Variants in BTG4 observed in about 807,000 individuals in gnomAD.
BTG4 encodes protein BTG4.
Under a neutral mutation model 19.3 loss-of-function variants are expected in BTG4, and 10 were observed. The ratio of observed to expected loss-of-function variants is 0.52; its 90% CI spans 0.32 to 0.88. The LOEUF is 0.88. BTG4 is among the 40% of genes least tolerant of loss of function. The pLI is 0.04. For synonymous variants in BTG4, 91 were observed against 95.7 expected (o/e 0.95, Z 0.29); for missense variants, 238 against 281.9 (o/e 0.84, Z 1.11).
chr11:111,502,357 A>C (rs1258816106), intron 1 of BTG4, among the ~76,000 whole-genome samples: 1 of 152,166 alleles, frequency 6.6e-6, no homozygotes, highest in Admixed American at 6.6e-5. Flanking sequence ...CGTGCAGCAA[A>C]AGTGGAAATC....
At chr11:111,391,792 C>T in the BTG4 span, among the ~76,000 whole-genome samples, 1 of 152,116 alleles carries the variant, frequency 6.6e-6, no homozygotes, top group African/African-American at 2.4e-5. Flanking sequence ...GTGGCTTTGG[C>T]AACAGTGTGA....
the BTG4 span, chr11:111,385,265 G>A: frequency 1.3e-5 from 2 of 151,950 alleles, no homozygotes; most frequent in African/African-American, 4.8e-5. Flanking sequence ...GTGAAAAACA[G>A]GAAGGATGTA....
At chr11:111,391,779 A>G in the BTG4 span, among the ~76,000 whole-genome samples, 9 of 152,300 alleles carry the variant, frequency 5.9e-5, no homozygotes, top group Admixed American at 4.6e-4. Context: ...GCTTCTTTTA[A>G]AAGTGGCTTT....
the BTG4 span, among the ~76,000 whole-genome samples, chr11:111,460,682 T>C: frequency 6.6e-6 from 1 of 152,192 alleles, no homozygotes; most frequent in African/African-American, 2.4e-5. Context: ...AGGCAGCAAG[T>C]ATGAGAAATG....
At chr11:111,481,643 T>C (rs1864748853) in intron 5 of BTG4, among the ~76,000 whole-genome samples, 1 of 151,836 alleles carries the variant, frequency 6.6e-6, no homozygotes, top group South Asian at 2.1e-4. Flanking sequence ...TTGGGTTTAT[T>C]TCATGGATGC....
At chr11:111,443,744 G>A in the BTG4 span, among the ~76,000 whole-genome samples, 3 of 152,206 alleles carry the variant, frequency 2.0e-5, no homozygotes, top group Non-Finnish European at 4.4e-5. Flanking sequence ...TGGGGATACA[G>A]TGAAAGTCAG....
the BTG4 span, among the ~76,000 whole-genome samples, chr11:111,423,426 C>T: frequency 6.6e-6 from 1 of 152,238 alleles, no homozygotes; most frequent in Non-Finnish European, 1.5e-5. Context: ...CTTAGCCCAG[C>T]CTGGGCCAGA....
intron 5 of BTG4, among the ~76,000 whole-genome samples, chr11:111,487,647 T>C (rs1047186499): frequency 2.6e-5 from 4 of 152,058 alleles, no homozygotes; most frequent in Non-Finnish European, 4.4e-5. Context: ...GGTATCCAAA[T>C]TGGAAAGAAA....
At chr11:111,508,546 C>T (rs1444533035) in intron 1 of BTG4, among the ~76,000 whole-genome samples, 1 of 151,988 alleles carries the variant, frequency 6.6e-6, no homozygotes, top group Non-Finnish European at 1.5e-5. Context: ...TTTTCCTTCA[C>T]AAATTGCTCC....
At chr11:111,444,588 A>G in the BTG4 span, among the ~76,000 whole-genome samples, 1 of 152,186 alleles carries the variant, frequency 6.6e-6, no homozygotes, top group Admixed American at 6.5e-5. Context: ...CACATTTTAA[A>G]CTAACTTAAA....
At chr11:111,400,646 T>C in the BTG4 span, among the ~76,000 whole-genome samples, 1 of 152,130 alleles carries the variant, frequency 6.6e-6, no homozygotes. Flanking sequence ...GAGGTTAATC[T>C]CTCCCACTCC....
At chr11:111,504,660 G>A (rs972197980) in intron 1 of BTG4, among the ~76,000 whole-genome samples, 19 of 152,014 alleles carry the variant, frequency 1.2e-4, no homozygotes, top group African/African-American at 4.1e-4. Context: ...ATCTGAATTG[G>A]AAAAGTAGAA....
chr11:111,430,322 G>A, the BTG4 span, among the ~76,000 whole-genome samples: 1 of 152,330 alleles, frequency 6.6e-6, no homozygotes, highest in African/African-American at 2.4e-5. Flanking sequence ...GTTAGAAGTA[G>A]ATAAAAGACA....
chr11:111,412,085 C>A, the BTG4 span, among the ~76,000 whole-genome samples: 193 of 152,214 alleles, frequency 1.3e-3, 1 homozygote, highest in African/African-American at 4.1e-3. Context: ...ATTAATTGGA[C>A]CAGAAATGAG....
intron 5 of BTG4, among the ~76,000 whole-genome samples, chr11:111,476,135 T>TACACACACACACACACACACACAC (rs55989357): frequency 0.011 from 1,670 of 148,780 alleles, 39 homozygotes; most frequent in African/African-American, 0.038. Context: ...CCAGAATAGA[T>TACACACACACACACACACACACAC]ACACACACAC....
At chr11:111,384,459 T>C in the BTG4 span, among the ~76,000 whole-genome samples, 3 of 152,274 alleles carry the variant, frequency 2.0e-5, no homozygotes, top group African/African-American at 4.8e-5. Flanking sequence ...AGAAAAAGAA[T>C]ATATTTATAG....
chr11:111,484,080 C>T (rs576615231), intron 5 of BTG4, among the ~76,000 whole-genome samples: 3 of 151,864 alleles, frequency 2.0e-5, no homozygotes, highest in East Asian at 3.9e-4. Flanking sequence ...ATTCAAAGTG[C>T]CAAAGAAAAA....
chr11:111,443,875 C>T, the BTG4 span, among the ~76,000 whole-genome samples: 8 of 152,238 alleles, frequency 5.3e-5, no homozygotes, highest in East Asian at 1.4e-3. Flanking sequence ...GCCTCCAGCT[C>T]GAGGACGCTT....
chr11:111,453,607 C>G, the BTG4 span: 1 of 433,006 alleles, frequency 2.3e-6, no homozygotes, highest in Non-Finnish European at 4.7e-6. Context: ...GGGCTAGAAT[C>G]CCAGAGGCAC....
Sources: allele counts gnomAD v4.1 joint callset (sites outside exome capture counted in the v4.1 genomes callset), GRCh38; gene constraint gnomAD v4.1.1; transcripts MANE v1.5; gene names NCBI Gene and HGNC (gene_info 2026-07-23, HGNC 2026-07-21).